The following IGFL2 variants were observed in gnomAD, a reference collection of about 807,000 sequenced individuals.
The protein encoded by IGFL2 is insulin growth factor-like family member 2.
In IGFL2, 7 loss-of-function variants were observed where a neutral mutation model predicts 13.9. The observed-to-expected ratio is 0.51, with a 90% CI of 0.29 to 0.95. IGFL2 has a LOEUF of 0.95. IGFL2 is among the 40% of genes least tolerant of loss of function. IGFL2 has a pLI of 0.08. For missense variants in IGFL2, 138 were observed against 147.8 expected (o/e 0.93, Z 0.34); for synonymous variants, 55 against 55.8 (o/e 0.99, Z 0.07).
At chr19:46,121,901 CA>C in the IGFL2 span, among the ~76,000 whole-genome samples, 2 of 150,800 alleles carry the variant, frequency 1.3e-5, no homozygotes, top group African/African-American at 4.9e-5. Flanking sequence ...AGCTGATTTG[CA>C]TATTTCTTTT....
chr19:46,095,361 CT>C, the IGFL2 span, among the ~76,000 whole-genome samples: 1 of 151,942 alleles, frequency 6.6e-6, no homozygotes, highest in Non-Finnish European at 1.5e-5. Flanking sequence ...CCTTTGCCTA[CT>C]TTTTGATGGG....
chr19:46,102,066 T>C, the IGFL2 span, among the ~76,000 whole-genome samples: 1 of 152,220 alleles, frequency 6.6e-6, no homozygotes, highest in Non-Finnish European at 1.5e-5. Context: ...CTCTGGAGAC[T>C]TTCCCAGGGG....
chr19:46,140,923 C>T, upstream of IGFL2, among the ~76,000 whole-genome samples: 1 of 152,154 alleles, frequency 6.6e-6, no homozygotes, highest in East Asian at 1.9e-4. Context: ...GAAAAATCTC[C>T]TTCATGGTCT....
At chr19:46,179,511 T>A in the IGFL2 span, 1 of 152,620 alleles carries the variant, frequency 6.6e-6, no homozygotes, top group South Asian at 2.0e-4. Flanking sequence ...TGGTCTCCAC[T>A]CTGCTCAGTC....
upstream of IGFL2, among the ~76,000 whole-genome samples, chr19:46,142,925 A>T (rs910267099): frequency 6.6e-6 from 1 of 152,232 alleles, no homozygotes; most frequent in African/African-American, 2.4e-5. Context: ...AAGTTTATAT[A>T]GTGAAGAATA....
At chr19:46,196,535 T>C in the IGFL2 span, among the ~76,000 whole-genome samples, 1 of 152,072 alleles carries the variant, frequency 6.6e-6, no homozygotes, top group Non-Finnish European at 1.5e-5. Context: ...GCCACACCCA[T>C]AGCACAACGC....
At chr19:46,106,663 G>A in the IGFL2 span, among the ~76,000 whole-genome samples, 1 of 152,190 alleles carries the variant, frequency 6.6e-6, no homozygotes, top group Admixed American at 6.5e-5. Context: ...GGACCAGCCT[G>A]TAAGACTTGT....
chr19:46,156,689 A>G (rs1242501579), intron 1 of IGFL2, among the ~76,000 whole-genome samples: 1 of 152,182 alleles, frequency 6.6e-6, no homozygotes, highest in Non-Finnish European at 1.5e-5. Context: ...TATTAGAAAA[A>G]AGGAAAAATC....
At chr19:46,188,952 C>T in the IGFL2 span, among the ~76,000 whole-genome samples, 1 of 152,202 alleles carries the variant, frequency 6.6e-6, no homozygotes, top group Non-Finnish European at 1.5e-5. Context: ...TAGGGACCAG[C>T]CCTACAGGGT....
the IGFL2 span, among the ~76,000 whole-genome samples, chr19:46,184,704 C>T: frequency 1.3e-5 from 2 of 152,128 alleles, no homozygotes; most frequent in African/African-American, 4.8e-5. Context: ...GTGAACAGTG[C>T]CACAATAAAC....
downstream of IGFL2, chr19:46,161,323 T>C (rs60276677): frequency 3.6e-3 from 1,412 of 394,614 alleles, 13 homozygotes; most frequent in African/African-American, 0.027. Context: ...CCTTTCTTTT[T>C]TTTTTTTTTT....
the IGFL2 span, among the ~76,000 whole-genome samples, chr19:46,087,383 C>G: frequency 6.6e-6 from 1 of 152,184 alleles, no homozygotes; most frequent in Non-Finnish European, 1.5e-5. Flanking sequence ...TGTTCAGGTG[C>G]TATCAGTAGT....
chr19:46,114,477 C>T, the IGFL2 span, among the ~76,000 whole-genome samples: 3 of 152,240 alleles, frequency 2.0e-5, no homozygotes, highest in African/African-American at 4.8e-5. Context: ...TTGGCGAACT[C>T]CATTTATTAA....
chr19:46,137,084 T>G, the IGFL2 span: 1 of 1,603,076 alleles, frequency 6.2e-7, no homozygotes, highest in Non-Finnish European at 8.5e-7. Context: ...GGAAGACGGC[T>G]TAGGAGACAA....
chr19:46,170,847 C>G, the IGFL2 span, among the ~76,000 whole-genome samples: 1 of 152,110 alleles, frequency 6.6e-6, no homozygotes, highest in African/African-American at 2.4e-5. Context: ...CTCTTGAACC[C>G]TGTTAAGATG....
chr19:46,143,028 G>C (rs905129544), upstream of IGFL2: 3 of 152,194 alleles, frequency 2.0e-5, no homozygotes, highest in Non-Finnish European at 2.9e-5. Flanking sequence ...GGGGTTGACT[G>C]TTACATGTTA....
the IGFL2 span, among the ~76,000 whole-genome samples, chr19:46,179,055 TGAGGA>T: frequency 6.7e-6 from 1 of 150,234 alleles, no homozygotes. Context: ...CGAGGATAGG[TGAGGA>T]GAGGAGGAGA....
chr19:46,124,439 G>C, the IGFL2 span: 2 of 1,253,658 alleles, frequency 1.6e-6, no homozygotes, highest in Non-Finnish European at 2.3e-6. Context: ...ATCACTTGGG[G>C]CTAAGTCTGT....
At chr19:46,203,630 T>C in the IGFL2 span, 1 of 152,446 alleles carries the variant, frequency 6.6e-6, no homozygotes, top group Non-Finnish European at 1.5e-5. Context: ...CCCAGGCAGA[T>C]ATCAGAGGAT....
Sources: allele counts gnomAD v4.1 joint callset (sites outside exome capture counted in the v4.1 genomes callset), GRCh38; gene constraint gnomAD v4.1.1; transcripts MANE v1.5; gene names NCBI Gene and HGNC (gene_info 2026-07-23, HGNC 2026-07-21).